SDK1: variants seen among roughly 807,000 people sequenced by gnomAD.
SDK1 encodes the protein protein sidekick-1.
In SDK1, 157 loss-of-function variants were observed where a neutral mutation model predicts 245.5. The ratio of observed to expected loss-of-function variants is 0.64; its 90% CI spans 0.56 to 0.73. The LOEUF (loss-of-function observed/expected upper bound fraction) is 0.73. SDK1 is among the 30% of genes least tolerant of loss of function. The pLI, the probability that SDK1 is intolerant of heterozygous loss-of-function variation, is 0.00. For missense variants in SDK1, 3,583 were observed against 3,002.3 expected (o/e 1.19, Z -4.52); for synonymous variants, 1,647 against 1,278.5 (o/e 1.29, Z -6.15).
At chr7:3,352,423 TG>T (rs1261569721) in intron 1 of SDK1, among the ~76,000 whole-genome samples, 1 of 152,008 alleles carries the variant, frequency 6.6e-6, no homozygotes, top group Non-Finnish European at 1.5e-5. Context: ...GCAGGGAGGG[TG>T]TGCCACGACG....
chr7:3,380,038 A>T (rs970653649), intron 1 of SDK1, among the ~76,000 whole-genome samples: 3 of 152,198 alleles, frequency 2.0e-5, no homozygotes, highest in Admixed American at 6.5e-5. Context: ...CAATACCAAA[A>T]ACGTTGTCTG....
intron 22 of SDK1, among the ~76,000 whole-genome samples, chr7:4,106,734 C>T (rs888957176): frequency 1.3e-5 from 2 of 152,150 alleles, no homozygotes; most frequent in Non-Finnish European, 2.9e-5. Context: ...CTCAACGCGG[C>T]GCGTGCCTTT....
At chr7:3,882,406 G>GCTC (rs1190916766) in intron 5 of SDK1, among the ~76,000 whole-genome samples, 3 of 152,186 alleles carry the variant, frequency 2.0e-5, no homozygotes, top group Admixed American at 6.5e-5. Context: ...AGACCCTGAT[G>GCTC]CGGGAGGCCC....
chr7:3,955,562 G>A (rs189501469), intron 7 of SDK1, among the ~76,000 whole-genome samples: 18 of 152,304 alleles, frequency 1.2e-4, no homozygotes, highest in African/African-American at 4.3e-4. Context: ...GTCCACCTCG[G>A]TGGACTAGCG....
rs185768170 is a variant in SDK1, at chr7:3,634,993, T to C, written c.459-4011T>C. Among the ~76,000 whole-genome samples the C allele has an allele frequency of 1.2e-3, 181 of 152,340 alleles. 1 individual carries two copies. The highest frequency in any genetic ancestry group is 4.3e-3 in the African/African-American group (178 of 41,584). ...TGCAGTGATAAAACTGTCTTTGTAA[T>C]GTTTCAAATACATACTGCAATTACT... On this transcript the variant is annotated intron_variant, in intron 2 of 44. Coordinates refer to ENST00000404826, the MANE Select transcript of SDK1 (RefSeq NM_152744.4).
chr7:3,481,178 A>T (rs1296114097), intron 1 of SDK1, among the ~76,000 whole-genome samples: 1 of 152,210 alleles, frequency 6.6e-6, no homozygotes, highest in Non-Finnish European at 1.5e-5. Flanking sequence ...GGCAATTTAA[A>T]AAGTTGTTTT....
intron 1 of SDK1, among the ~76,000 whole-genome samples, chr7:3,597,866 T>C (rs988656817): frequency 6.6e-6 from 1 of 152,226 alleles, no homozygotes; most frequent in African/African-American, 2.4e-5. Context: ...TCGTTTTCCA[T>C]GTAGGGCACT....
chr7:3,946,516 C>T (rs1022294428), intron 5 of SDK1, among the ~76,000 whole-genome samples: 2 of 151,956 alleles, frequency 1.3e-5, no homozygotes, highest in African/African-American at 4.8e-5. Context: ...AGGGTTTTGC[C>T]ATATTGCCTA....
At chr7:4,111,356 A>C (rs1294666904) in intron 23 of SDK1, among the ~76,000 whole-genome samples, 1 of 152,232 alleles carries the variant, frequency 6.6e-6, no homozygotes, top group Non-Finnish European at 1.5e-5. Context: ...AGGAGATGGA[A>C]TTTCCAGTTA....
At chr7:3,488,082 T>G (rs955757748) in intron 1 of SDK1, among the ~76,000 whole-genome samples, 1 of 152,208 alleles carries the variant, frequency 6.6e-6, no homozygotes, top group African/African-American at 2.4e-5. Context: ...TTGGTCTAAT[T>G]TTTCAGTTCA....
intron 35 of SDK1, among the ~76,000 whole-genome samples, chr7:4,201,687 G>A (rs113953038): frequency 0.033 from 5,081 of 152,256 alleles, 98 homozygotes; most frequent in African/African-American, 0.056. Context: ...GTGGCACAGC[G>A]TGGCTCTAGT....
chr7:4,253,687 A>T (rs1453308113), intron 44 of SDK1, among the ~76,000 whole-genome samples: 1 of 152,032 alleles, frequency 6.6e-6, no homozygotes, highest in Non-Finnish European at 1.5e-5. Context: ...TGTATGTATG[A>T]TCTTCTTCCC....
intron 1 of SDK1, among the ~76,000 whole-genome samples, chr7:3,303,960 C>T (rs1368125006): frequency 1.3e-5 from 2 of 152,164 alleles, no homozygotes; most frequent in South Asian, 4.1e-4. Flanking sequence ...GTTGGAGCGC[C>T]TCCTAAGTAC....
At chr7:4,105,346 C>T (rs796893396) in intron 22 of SDK1, among the ~76,000 whole-genome samples, 2 of 150,028 alleles carry the variant, frequency 1.3e-5, no homozygotes, top group African/African-American at 4.9e-5. Context: ...TTCACTCTGT[C>T]GCCAGGCTGG....
chr7:3,360,000 C>G (rs1369816398), intron 1 of SDK1, among the ~76,000 whole-genome samples: 1 of 152,162 alleles, frequency 6.6e-6, no homozygotes, highest in African/African-American at 2.4e-5. Flanking sequence ...CAAAATATTA[C>G]AACACTTTGT....
At chr7:4,158,284 C>T (rs1490092853) in intron 30 of SDK1, among the ~76,000 whole-genome samples, 164 bp from the exon 31 acceptor site, 1 of 152,232 alleles carries the variant, frequency 6.6e-6, no homozygotes, top group Non-Finnish European at 1.5e-5. Flanking sequence ...TTGGGTCCGA[C>T]CCAAGAACAG....
chr7:3,740,169 CCAGAGGTCAGT>C (rs1334687271), intron 4 of SDK1, among the ~76,000 whole-genome samples: 1 of 152,084 alleles, frequency 6.6e-6, no homozygotes, highest in Non-Finnish European at 1.5e-5. Flanking sequence ...TTGCTTAGAG[CCAGAGGTCAGT>C]CAGAGGTGAC....
intron 1 of SDK1, among the ~76,000 whole-genome samples, chr7:3,613,331 T>C (rs1781664926): frequency 6.6e-6 from 1 of 152,184 alleles, no homozygotes; most frequent in Non-Finnish European, 1.5e-5. Context: ...TATTCTCACA[T>C]TGGAGAGGTA....
rs147873423 is a variant in SDK1, at chr7:4,268,458, C to T, written c.*3074C>T. 89 of 1,147,814 alleles carry T rather than the reference C, an allele frequency of 7.8e-5. No homozygotes were observed. In the Middle Eastern group the frequency reaches 1.2e-3, roughly 15 times the overall value. The allele number at this position is 1,147,814 out of a possible 1,614,324, so 71.1% of individuals were successfully genotyped here. A position where few individuals can be genotyped will look rare whatever the true frequency, so the allele number is the denominator to read the frequency against. ...TCTCTCCCAGCCTGCTTTTATAAGG[C>T]GCACTTCACTCAATGCTGTAGCCAA... On this transcript the variant is annotated 3_prime_UTR_variant, in exon 45 of 45. Coordinates refer to ENST00000404826, the MANE Select transcript of SDK1 (RefSeq NM_152744.4).
Sources: gnomAD v4.1 joint callset for allele counts (sites outside exome capture counted in the v4.1 genomes callset) on GRCh38, gnomAD v4.1.1 for gene constraint, MANE v1.5 for transcripts, NCBI Gene and HGNC (gene_info 2026-07-23, HGNC 2026-07-21) for gene names.